Variants in CALB2 observed in about 807,000 individuals in gnomAD.
CALB2 encodes the protein calretinin.
A neutral mutation model predicts 45.9 loss-of-function variants in CALB2; 34 were observed. The ratio of observed to expected loss-of-function variants is 0.74; its 90% CI spans 0.56 to 0.99. The LOEUF (loss-of-function observed/expected upper bound fraction) is 0.99. Among genes scored for constraint, CALB2 ranks in the 50% least tolerant of loss-of-function variants. CALB2 has a pLI of 0.00. For synonymous variants in CALB2, 142 were observed against 129.6 expected (o/e 1.10, Z -0.65); for missense variants, 344 against 339.3 (o/e 1.01, Z -0.11).
intron 2 of CALB2, 151 bp from the exon 3 acceptor site, chr16:71,374,594 A>G (rs758740208): frequency 1.8e-6 from 1 of 559,258 alleles, no homozygotes; most frequent in Non-Finnish European, 3.3e-6. Flanking sequence ...TGGAAAGGAA[A>G]ACAACACAGC....
At chr16:71,384,908 C>T in intron 9 of CALB2, 72 bp downstream of exon 9, 1 of 1,319,056 alleles carries the variant, frequency 7.6e-7, no homozygotes, top group Admixed American at 1.7e-5. Flanking sequence ...TCAGCTTCAT[C>T]CCTGGGAAGA....
intron 4 of CALB2, among the ~76,000 whole-genome samples, chr16:71,381,682 G>A (rs9940982): frequency 0.36 from 55,185 of 151,544 alleles, 10,537 homozygotes; most frequent in Admixed American, 0.5. Context: ...TTGGAGCTGG[G>A]GGAGAAGCGA....
rs188491048 is a variant in CALB2, at chr16:71,385,731, G to A, written c.699+83G>A. 6.3e-6 allele frequency: 7 copies of A among 1,107,842 alleles called. No homozygotes were observed. In the East Asian group the frequency reaches 1.7e-4, roughly 27 times the overall value. The allele number at this position is 1,107,842 out of a possible 1,614,324, so 68.6% of individuals were successfully genotyped here. On this transcript the variant is annotated intron_variant, in intron 10 of 10. Coordinates refer to ENST00000302628, the MANE Select transcript of CALB2 (RefSeq NM_001740.5). ...CAGGAGAGGAGGGGAAAGGTGCCTGGTCCTGCTCTCTACTCCCCTCTGATC... is the reference window on the plus strand; with the variant it reads ...CAGGAGAGGAGGGGAAAGGTGCCTGATCCTGCTCTCTACTCCCCTCTGATC...
chr16:71,382,499 G>C (rs1411202282), intron 4 of CALB2, among the ~76,000 whole-genome samples: 1 of 152,222 alleles, frequency 6.6e-6, no homozygotes, highest in East Asian at 1.9e-4. Flanking sequence ...TTAGCTGCGT[G>C]GTTCTGGCCC....
chr16:71,370,389 G>C (rs1236088539), intron 1 of CALB2, among the ~76,000 whole-genome samples: 1 of 152,100 alleles, frequency 6.6e-6, no homozygotes, highest in Admixed American at 6.5e-5. Context: ...TCCTCTACGG[G>C]AATCTTGCTC....
At chr16:71,366,627 G>A (rs1251111132) in intron 1 of CALB2, among the ~76,000 whole-genome samples, 2 of 152,128 alleles carry the variant, frequency 1.3e-5, no homozygotes, top group Non-Finnish European at 2.9e-5. Context: ...CACCACACCT[G>A]GCTTGAGAAC....
Position 71,382,746 on chromosome 16 carries a change from A to C in CALB2, c.370A>C (p.Ser124Arg), listed in dbSNP as rs1473459275. The change falls in exon 5 of 11, where the codon AGT becomes CGT. Residue 124 changes from serine to arginine, a missense_variant. Around this residue, in one of 3 missense-constraint regions of CALB2, gnomAD observed 263 missense variants for 241.7 expected, o/e 1.09. Transcript: ENST00000302628. ...EAWRKYDTDR[S>R]GYIEANELKG... ...TTGGCGGAAGTACGACACAGACAGG[A>C]GTGGCTACATCGAAGCCAATGAGCT... The C allele has an allele frequency of 1.2e-6, 2 of 1,612,334 alleles. No homozygotes were observed. Among genetic ancestry groups the C allele is most frequent in the Non-Finnish European group, 1.7e-6 (2 of 1,179,234 alleles).
At chr16:71,377,900 G>A (rs765847332) in intron 4 of CALB2, among the ~76,000 whole-genome samples, 153 bp downstream of exon 4, 3 of 152,188 alleles carry the variant, frequency 2.0e-5, no homozygotes, top group Non-Finnish European at 2.9e-5. Flanking sequence ...TGGACCGGCA[G>A]CATCAGTATC....
Position 71,389,897 on chromosome 16 carries a change from C to T in CALB2, c.*32C>T, listed in dbSNP as rs371707371. 5.4e-5 allele frequency: 80 copies of T among 1,494,800 alleles called. No homozygotes were observed. In the African/African-American group the frequency reaches 9.8e-4, roughly 18 times the overall value. The allele number at this position is 1,494,800 out of a possible 1,614,324, so 92.6% of individuals were successfully genotyped here. A position where few individuals can be genotyped will look rare whatever the true frequency, so the allele number is the denominator to read the frequency against. On this transcript the variant is annotated 3_prime_UTR_variant, in exon 11 of 11. Coordinates refer to ENST00000302628, the MANE Select transcript of CALB2 (RefSeq NM_001740.5). ...GACGGGGGCTGCTTCTCCACCTCCC[C>T]CAAACCCTGCTTCTGCTGCCCTGAT...
intron 4 of CALB2, among the ~76,000 whole-genome samples, chr16:71,378,336 G>A (rs184035258): frequency 6.6e-6 from 1 of 151,416 alleles, no homozygotes; most frequent in Admixed American, 6.6e-5. Context: ...AACATAGTGA[G>A]ACCTTGTCTC....
chr16:71,359,100 A>T (rs1359599709), intron 1 of CALB2, among the ~76,000 whole-genome samples: 1 of 152,210 alleles, frequency 6.6e-6, no homozygotes, highest in East Asian at 1.9e-4. Flanking sequence ...TAGATGACCC[A>T]GAGCCCACCC....
chr16:71,370,071 G>A (rs2042330350), intron 1 of CALB2, among the ~76,000 whole-genome samples: 2 of 152,102 alleles, frequency 1.3e-5, no homozygotes. Flanking sequence ...GGATAAAAGG[G>A]AACTCAAATC....
At chr16:71,387,834 C>G (rs2042587661) in intron 10 of CALB2, among the ~76,000 whole-genome samples, 1 of 152,098 alleles carries the variant, frequency 6.6e-6, no homozygotes, top group Non-Finnish European at 1.5e-5. Context: ...AAGAACATCA[C>G]AACTTAGGGA....
chr16:71,370,085 T>C (rs1214008618), intron 1 of CALB2, among the ~76,000 whole-genome samples: 1 of 152,208 alleles, frequency 6.6e-6, no homozygotes, highest in Non-Finnish European at 1.5e-5. Context: ...TCAAATCTCA[T>C]TCTGCGAGCC....
intron 4 of CALB2, among the ~76,000 whole-genome samples, chr16:71,382,021 AG>A (rs2042498087): frequency 1.9e-5 from 2 of 105,812 alleles, no homozygotes; most frequent in East Asian, 6.5e-4. Flanking sequence ...TCAAAAGAGG[AG>A]GAGGAGGAGG....
intron 3 of CALB2, among the ~76,000 whole-genome samples, chr16:71,375,773 T>G (rs1181215060): frequency 6.6e-6 from 1 of 152,208 alleles, no homozygotes. Context: ...GCTAGGCTTA[T>G]AGGGACTCTG....
In CALB2 at chr16:71,365,947, G is replaced by A. The variant is rs139319307; in HGVS notation, c.95-6206G>A. 2.7e-4 allele frequency among the ~76,000 whole-genome samples: 40 copies of A among 150,934 alleles called. No individual in the cohort carries two copies. The East Asian group carries it at 7.0e-3, about 26-fold the overall frequency. On this transcript the variant is annotated intron_variant, in intron 1 of 10. Transcript: ENST00000302628. ...CAATGTTGTTTTCAGATATTCCCAG[G>A]TGATCCTAATACACAGCCTCAACTG...
At chr16:71,382,974 G>A (rs987458898) in intron 5 of CALB2, among the ~76,000 whole-genome samples, 199 bp downstream of exon 5, 16 of 152,148 alleles carry the variant, frequency 1.1e-4, no homozygotes, top group Non-Finnish European at 2.9e-5. Flanking sequence ...AGATTTCAAC[G>A]AAACCCAGCT....
intron 2 of CALB2, 125 bp from the exon 3 acceptor site, chr16:71,374,620 C>T (rs2042390428): frequency 1.5e-6 from 1 of 647,668 alleles, no homozygotes; most frequent in Non-Finnish European, 2.9e-6. Context: ...TCAATCAGAG[C>T]ATCAGCACAA....
Sources: allele counts gnomAD v4.1 joint callset (sites outside exome capture counted in the v4.1 genomes callset), GRCh38; gene constraint gnomAD v4.1.1; regional missense constraint gnomAD v4.1.1; transcripts MANE v1.5; gene names NCBI Gene and HGNC (gene_info 2026-07-23, HGNC 2026-07-21).